Variants in SLC35D4 observed in about 807,000 individuals in gnomAD.
SLC35D4 encodes the protein solute carrier family 35 member D4.
the SLC35D4 span, among the ~76,000 whole-genome samples, chr18:23,241,873 C>A: frequency 6.6e-6 from 1 of 152,150 alleles, no homozygotes; most frequent in Non-Finnish European, 1.5e-5. Flanking sequence ...AAGTGGCACC[C>A]TTTTCAAATT....
chr18:23,275,620 TGCTGTGCTGTGCTG>T, the SLC35D4 span, among the ~76,000 whole-genome samples: 3 of 137,946 alleles, frequency 2.2e-5, no homozygotes, highest in Admixed American at 1.4e-4. Flanking sequence ...TGCTGTGCTG[TGCTGTGCTGTGCTG>T]TGCTGTGCTG....
the SLC35D4 span, among the ~76,000 whole-genome samples, chr18:23,317,919 T>C: frequency 6.6e-6 from 1 of 152,116 alleles, no homozygotes; most frequent in Non-Finnish European, 1.5e-5. Flanking sequence ...TTTGTATTTT[T>C]AGTAGAGACG....
chr18:23,325,840 C>A, the SLC35D4 span, among the ~76,000 whole-genome samples: 5 of 152,206 alleles, frequency 3.3e-5, no homozygotes, highest in African/African-American at 1.2e-4. Flanking sequence ...CCCCCCACCC[C>A]GTGTGGGTAC....
the SLC35D4 span, among the ~76,000 whole-genome samples, chr18:23,250,442 G>A: frequency 2.0e-5 from 3 of 152,242 alleles, no homozygotes; most frequent in African/African-American, 7.2e-5. Context: ...CATGTTAGAT[G>A]TGGCCCCCAT....
At chr18:23,312,860 G>T in the SLC35D4 span, among the ~76,000 whole-genome samples, 1 of 152,198 alleles carries the variant, frequency 6.6e-6, no homozygotes, top group Non-Finnish European at 1.5e-5. Context: ...GGGCGCGGTG[G>T]CTCATGCCTG....
At chr18:23,239,546 A>G in the SLC35D4 span, among the ~76,000 whole-genome samples, 13 of 152,160 alleles carry the variant, frequency 8.5e-5, no homozygotes, top group African/African-American at 1.4e-4. Context: ...TTTCTCATGC[A>G]TTTGCATTGA....
At chr18:23,305,499 C>T in the SLC35D4 span, among the ~76,000 whole-genome samples, 993 of 152,272 alleles carry the variant, frequency 6.5e-3, 10 homozygotes, top group African/African-American at 0.023. Flanking sequence ...TGGACCTCAG[C>T]TTCTTCATCT....
At chr18:23,351,341 AG>A in the SLC35D4 span, among the ~76,000 whole-genome samples, 1 of 152,186 alleles carries the variant, frequency 6.6e-6, no homozygotes, top group Non-Finnish European at 1.5e-5. Flanking sequence ...TGGGAGGCAG[AG>A]GTTGCAATGA....
the SLC35D4 span, among the ~76,000 whole-genome samples, chr18:23,281,927 G>A: frequency 6.6e-6 from 1 of 152,250 alleles, no homozygotes; most frequent in Admixed American, 6.5e-5. Flanking sequence ...AAGAAGGAAT[G>A]AGGAAATAAA....
chr18:23,296,775 TTG>T, the SLC35D4 span: 17 of 151,774 alleles, frequency 1.1e-4, no homozygotes, highest in African/African-American at 3.9e-4. Flanking sequence ...TTTTTTTTTT[TTG>T]CCCAGGGAAG....
chr18:23,380,347 C>A, the SLC35D4 span, among the ~76,000 whole-genome samples: 8 of 152,244 alleles, frequency 5.3e-5, no homozygotes, highest in South Asian at 1.7e-3. Flanking sequence ...TGCGGTGTCA[C>A]CCCTGCTGGC....
the SLC35D4 span, among the ~76,000 whole-genome samples, chr18:23,262,068 TCCTCCGTATTAG>T: frequency 6.6e-6 from 1 of 152,138 alleles, no homozygotes; most frequent in South Asian, 2.1e-4. Context: ...GAGGCACCAT[TCCTCCGTATTAG>T]CATAGGACAT....
chr18:23,415,299 A>C, the SLC35D4 span, among the ~76,000 whole-genome samples: 1 of 152,166 alleles, frequency 6.6e-6, no homozygotes, highest in Non-Finnish European at 1.5e-5. Flanking sequence ...TTCATCTCAT[A>C]AATTTCTGGT....
the SLC35D4 span, among the ~76,000 whole-genome samples, chr18:23,289,153 T>C: frequency 6.6e-6 from 1 of 152,226 alleles, no homozygotes; most frequent in African/African-American, 2.4e-5. Flanking sequence ...CATGTCCTGC[T>C]CTTGTTTACA....
the SLC35D4 span, among the ~76,000 whole-genome samples, chr18:23,377,157 G>A: frequency 2.0e-5 from 3 of 152,118 alleles, no homozygotes; most frequent in Admixed American, 6.6e-5. Flanking sequence ...ATGACAGGAC[G>A]GCCCAGTTTA....
chr18:23,404,638 G>A, the SLC35D4 span, among the ~76,000 whole-genome samples: 2 of 146,982 alleles, frequency 1.4e-5, no homozygotes, highest in Non-Finnish European at 3.0e-5. Context: ...TCAGTGAGCC[G>A]AGATCACGCC....
chr18:23,359,136 C>T, the SLC35D4 span, among the ~76,000 whole-genome samples: 1 of 152,138 alleles, frequency 6.6e-6, no homozygotes, highest in African/African-American at 2.4e-5. Flanking sequence ...CCTGTAATCC[C>T]AGCACTTTGG....
chr18:23,416,053 C>CA, the SLC35D4 span, among the ~76,000 whole-genome samples: 12 of 151,892 alleles, frequency 7.9e-5, no homozygotes, highest in Admixed American at 1.3e-4. Flanking sequence ...ACTAAAAATA[C>CA]AAAAAAAATT....
the SLC35D4 span, chr18:23,430,495 T>C: frequency 3.1e-6 from 2 of 639,688 alleles, no homozygotes; most frequent in Non-Finnish European, 5.2e-6. Context: ...TAAATGTCTG[T>C]TAATAAGGCG....
Sources: allele counts gnomAD v4.1 joint callset (sites outside exome capture counted in the v4.1 genomes callset), GRCh38; gene constraint gnomAD v4.1.1; transcripts MANE v1.5; gene names NCBI Gene and HGNC (gene_info 2026-07-23, HGNC 2026-07-21).